The following SLC13A2 variants were observed in gnomAD, a reference collection of about 807,000 sequenced individuals.
SLC13A2 encodes the protein solute carrier family 13 member 2.
SLC13A2 carries 40 observed loss-of-function variants against 58.5 expected under a neutral mutation model. That is an observed-to-expected ratio of 0.68 (90% CI 0.53 to 0.89). SLC13A2 has a LOEUF of 0.89. SLC13A2 is among the 40% of genes least tolerant of loss of function. The pLI, the probability that SLC13A2 is intolerant of heterozygous loss-of-function variation, is 0.00. For missense variants in SLC13A2, 694 were observed against 772.6 expected (o/e 0.90, Z 1.21); for synonymous variants, 341 against 331.6 (o/e 1.03, Z -0.31).
intron 1 of SLC13A2, among the ~76,000 whole-genome samples, chr17:28,479,835 C>T (rs542299387): frequency 2.6e-5 from 4 of 152,164 alleles, no homozygotes; most frequent in African/African-American, 4.8e-5. Context: ...ACTTGGGCAA[C>T]GTAGAGAGAC....
chr17:28,493,840 G>A (rs530329909), intron 7 of SLC13A2, 51 bp downstream of exon 7: 189 of 1,590,454 alleles, frequency 1.2e-4, no homozygotes, highest in Middle Eastern at 1.7e-4. Flanking sequence ...TCACATGCTC[G>A]GGAAGGAGGG....
In SLC13A2 at chr17:28,489,357, T is replaced by C. The variant is rs782469107; in HGVS notation, c.231+15T>C. 2 of 1,610,466 alleles carry C rather than the reference T, an allele frequency of 1.2e-6. No homozygotes were observed. The highest frequency in any genetic ancestry group is 1.3e-5 in the African/African-American group (1 of 74,782). On this transcript the variant is annotated intron_variant, in intron 2 of 11. Coordinates refer to ENST00000314669, the MANE Select transcript of SLC13A2 (RefSeq NM_003984.4). Reference sequence around the variant, plus strand: ...ATGCCTCTGAGGTGAGCCCCATCCATAGGAGAAAGCGTTCTGGGCAGTGCG... The same window carrying C: ...ATGCCTCTGAGGTGAGCCCCATCCACAGGAGAAAGCGTTCTGGGCAGTGCG...
At chr17:28,474,569 G>A (rs868937891) in intron 1 of SLC13A2, among the ~76,000 whole-genome samples, 8 of 152,166 alleles carry the variant, frequency 5.3e-5, no homozygotes, top group Non-Finnish European at 1.0e-4. Context: ...AAATGGGGAA[G>A]GTGAGGTTAA....
At chr17:28,492,181 T>C (rs2069041408) in intron 6 of SLC13A2, among the ~76,000 whole-genome samples, 1 of 152,132 alleles carries the variant, frequency 6.6e-6, no homozygotes, top group Non-Finnish European at 1.5e-5. Context: ...ACACTGAGCA[T>C]GGTTAGTTAC....
At position 28,491,740 on chromosome 17, in the gene SLC13A2, C is replaced by G. The variant is rs782543241; in HGVS notation, c.766C>G (p.Gln256Glu). ...ATGTTCCTCCTTCAGGCTCTTCCCC[C>G]AAAACGGCAACGTGGTGAACTTCGC... is the stretch of plus-strand genomic sequence containing the variant. ...LQGQINSLFP[Q>E]NGNVVNFASW... The change falls in exon 6 of 12, where the codon CAA becomes GAA. Residue 256 changes from glutamine (Q) to glutamate (E), a missense_variant. By Grantham distance (29) the Gln-to-Glu change is conservative. Transcript: ENST00000314669. The G allele has an allele frequency of 9.9e-6, 16 of 1,614,160 alleles. No individual in the cohort carries two copies. The Admixed American group carries it at 2.2e-4, about 22-fold the overall frequency.
At chr17:28,477,029 G>A (rs2068686473) in intron 1 of SLC13A2, among the ~76,000 whole-genome samples, 2 of 151,758 alleles carry the variant, frequency 1.3e-5, no homozygotes, top group South Asian at 4.2e-4. Context: ...GCATGGTGGT[G>A]CACACCTGTA....
chr17:28,485,278 G>A lies in SLC13A2; in HGVS notation c.103-3936G>A, dbSNP rs1198127243. Among the ~76,000 whole-genome samples the A allele has an allele frequency of 2.0e-5, 3 of 152,302 alleles. No homozygotes were observed. In the East Asian group the frequency reaches 5.8e-4, roughly 29 times the overall value. On this transcript the variant is annotated intron_variant, in intron 1 of 11. Transcript: ENST00000314669. The stretch of plus-strand genomic sequence containing the variant: ...CCTTGCACAACTCCATATGAGAATG[G>A]CGACCTGGACTTGTGCAGTGCAGCA...
At chr17:28,492,023 A>G (rs1328758627) in intron 6 of SLC13A2, among the ~76,000 whole-genome samples, 171 bp downstream of exon 6, 1 of 152,184 alleles carries the variant, frequency 6.6e-6, no homozygotes, top group Non-Finnish European at 1.5e-5. Flanking sequence ...TACTGGGTAG[A>G]GAGTATTATC....
rs182464677 is a variant in SLC13A2 at position 28,496,441 on chromosome 17, C to T, written c.1471-9C>T. ...AAGTTCAGCTCTGCGCCACTGCCTCCCACTCCAGGCCCAGGCCATCTGCCT... is the reference window on the plus strand; with the variant it reads ...AAGTTCAGCTCTGCGCCACTGCCTCTCACTCCAGGCCCAGGCCATCTGCCT... On this transcript the variant is annotated splice_polypyrimidine_tract_variant and intron_variant, in intron 10 of 11. Coordinates refer to ENST00000314669, the MANE Select transcript of SLC13A2 (RefSeq NM_003984.4). The surrounding 1 kb of genome is among the most constrained non-coding windows in gnomAD (Gnocchi z 4.2). 1,689 of 1,595,194 alleles carry T rather than the reference C, an allele frequency of 1.1e-3. 27 individuals are homozygous for T. In the South Asian group the frequency reaches 0.014, roughly 13 times the overall value.
chr17:28,492,818 T>C (rs2069054792), intron 6 of SLC13A2, among the ~76,000 whole-genome samples: 1 of 152,250 alleles, frequency 6.6e-6, no homozygotes, highest in South Asian at 2.1e-4. Flanking sequence ...GTATGAGTGT[T>C]ACTGTGGTAT....
rs781821669 is a variant in SLC13A2 at position 28,491,764 on chromosome 17, G to A, written c.790G>A (p.Ala264Thr). ...FPQNGNVVNF[A>T]SWFSFAFPTM... Reference sequence around the variant, plus strand: ...CCAAAACGGCAACGTGGTGAACTTCGCCTCCTGGTTCAGCTTCGCCTTCCC... The same window carrying A: ...CCAAAACGGCAACGTGGTGAACTTCACCTCCTGGTTCAGCTTCGCCTTCCC... The change falls in exon 6 of 12, where the codon GCC becomes ACC. Residue 264 changes from alanine to threonine, a missense_variant. Physicochemically the swap from Ala to Thr is moderately conservative, Grantham distance 58 (BLOSUM62 0). Coordinates refer to ENST00000314669, the MANE Select transcript of SLC13A2 (RefSeq NM_003984.4). 73 of 1,614,010 alleles carry A rather than the reference G, an allele frequency of 4.5e-5. No homozygotes were observed. The highest frequency in any genetic ancestry group is 8.9e-5 in the East Asian group (4 of 44,894).
chr17:28,497,109 G>T lies in SLC13A2; in HGVS notation c.1619G>T (p.Gly540Val), dbSNP rs1555604776. The part of the protein sequence containing the change: ...DLKVLDMARA[G>V]FLLNIIGVLI... Reference sequence around the variant, plus strand: ...CTCTCCTCACACCAGGCCCGGGCAGGATTCCTCCTCAACATCATTGGAGTC... The same window carrying T: ...CTCTCCTCACACCAGGCCCGGGCAGTATTCCTCCTCAACATCATTGGAGTC... Residue 540 changes from glycine to valine, a missense_variant, in exon 12 of 12, where the codon GGA (glycine) becomes GTA (valine). Gly to Val is a moderately radical substitution (Grantham distance 109). Transcript: ENST00000314669. 1 of 1,614,068 alleles carries T rather than the reference G, an allele frequency of 6.2e-7. No homozygotes were observed. The highest frequency in any genetic ancestry group is 8.5e-7 in the Non-Finnish European group (1 of 1,179,976).
intron 1 of SLC13A2, among the ~76,000 whole-genome samples, chr17:28,476,311 A>G (rs1305960780): frequency 6.6e-6 from 1 of 152,118 alleles, no homozygotes; most frequent in Non-Finnish European, 1.5e-5. Flanking sequence ...GCTCACACCT[A>G]TAATCCCAGC....
chr17:28,493,475 T>C lies in SLC13A2; in HGVS notation c.879-96T>C, dbSNP rs570245966. On this transcript the variant is annotated intron_variant, in intron 6 of 11. Coordinates refer to ENST00000314669, the MANE Select transcript of SLC13A2 (RefSeq NM_003984.4). ...TGAGTGTAGTGACCCTGAGATGCCC[T>C]CTGTGGGCCTCAGCCTTTAGATGGT... is the stretch of plus-strand genomic sequence containing the variant. 1.6e-5 allele frequency: 16 copies of C among 1,030,484 alleles called. No homozygotes were observed. In the African/African-American group the frequency reaches 2.2e-4, roughly 14 times the overall value. The allele number at this position is 1,030,484 out of a possible 1,614,324, so 63.8% of individuals were successfully genotyped here.
chr17:28,474,198 G>A (rs1367887531), intron 1 of SLC13A2, among the ~76,000 whole-genome samples: 7 of 152,162 alleles, frequency 4.6e-5, no homozygotes, highest in Admixed American at 2.0e-4. Flanking sequence ...GGCTGGGTAA[G>A]CAGCAGCAGA....
intron 1 of SLC13A2, among the ~76,000 whole-genome samples, chr17:28,481,047 C>T (rs2068775557): frequency 1.3e-5 from 2 of 152,200 alleles, no homozygotes; most frequent in South Asian, 4.2e-4. Context: ...AATCGTGTCC[C>T]TGTTTATCGG....
At chr17:28,475,927 A>C (rs1555599819) in intron 1 of SLC13A2, among the ~76,000 whole-genome samples, 2 of 152,150 alleles carry the variant, frequency 1.3e-5, no homozygotes, top group East Asian at 3.8e-4. Context: ...ATCAATCTGT[A>C]ACCCCAGCCC....
chr17:28,477,028 T>G (rs1176304731), intron 1 of SLC13A2, among the ~76,000 whole-genome samples: 2 of 151,476 alleles, frequency 1.3e-5, no homozygotes, highest in South Asian at 4.2e-4. Flanking sequence ...AGCATGGTGG[T>G]GCACACCTGT....
Position 28,493,622 on chromosome 17 carries a change from A to T in SLC13A2, c.930A>T (p.Ala310=). 1 of 1,612,656 alleles carries T rather than the reference A, an allele frequency of 6.2e-7. No homozygotes were observed. Among genetic ancestry groups the T allele is most frequent in the Non-Finnish European group, 8.5e-7 (1 of 1,178,832 alleles). ...AAAAGATGCAGGAGCAACAGCAGGCAGCCTACTGCGTCATCCAGACCGAGC... is the reference window on the plus strand; with the variant it reads ...AAAAGATGCAGGAGCAACAGCAGGCTGCCTACTGCGTCATCCAGACCGAGC... The part of the protein sequence containing the change: ...IGEKMQEQQQ[A]AYCVIQTEHR... Residue 310 remains alanine (A), a synonymous_variant, in exon 7 of 12, where the codon GCA becomes GCT. Transcript: ENST00000314669.
Sources: allele counts gnomAD v4.1 joint callset (sites outside exome capture counted in the v4.1 genomes callset), GRCh38; gene constraint gnomAD v4.1.1; non-coding constraint Gnocchi (gnomAD v3.1); transcripts MANE v1.5; gene names NCBI Gene and HGNC (gene_info 2026-07-23, HGNC 2026-07-21).